Variants in CDAN1 observed in about 807,000 individuals in gnomAD.
CDAN1 encodes codanin 1.
In CDAN1, 107 loss-of-function variants were observed where a neutral mutation model predicts 139.8. The observed-to-expected ratio is 0.77, with a 90% confidence interval of 0.65 to 0.90. The LOEUF is 0.90. CDAN1 is among the 40% of genes least tolerant of loss of function. CDAN1 has a pLI of 0.00. For synonymous variants in CDAN1, 776 were observed against 660.6 expected, an observed-to-expected ratio of 1.17 and a Z score of -2.68; for missense variants, 1,667 against 1,575.7, an observed-to-expected ratio of 1.06 and a Z score of -0.98.
At chr15:42,729,530 G>A (rs2061580651) in intron 17 of CDAN1, 38 bp downstream of exon 17, 2 of 1,613,598 alleles carry the variant, frequency 1.2e-6, no homozygotes, top group South Asian at 1.1e-5. Flanking sequence ...CTCATGGAGG[G>A]ACAGACCAAG....
Position 42,728,669 on chromosome 15 carries a change from T to A in CDAN1, c.2787A>T (p.Ala929=). Residue 929 remains alanine (A), a synonymous_variant, in exon 20 of 28, where the codon GCA becomes GCT. Coordinates refer to ENST00000356231, the MANE Select transcript of CDAN1 (RefSeq NM_138477.4). ...CTGCTTACTCCCGCCCCAGGGCCAA[T>A]GCCTGGGCCCCGTGAGGGCACAGCT... ...CSQLCPHGAQ[A]LALGREFCQR... The A allele has an allele frequency of 6.2e-7, 1 of 1,614,122 alleles. No individual in the cohort carries two copies. The highest frequency in any genetic ancestry group is 8.5e-7 in the Non-Finnish European group (1 of 1,180,036).
Position 42,729,795 on chromosome 15 carries a change from C to G in CDAN1, c.2352+1G>C. ...GGCTCTGGCGGAACCCCAGCACTCA[C>G]CAAGCCATGCTCTGGGGCTACTGTG... On this transcript the variant is annotated splice_donor_variant, in intron 16 of 27. Coordinates refer to ENST00000356231, the MANE Select transcript of CDAN1 (RefSeq NM_138477.4). LOFTEE classifies it high-confidence loss of function. 1.2e-6 allele frequency: 2 copies of G among 1,613,164 alleles called. No individual in the cohort carries two copies. Among genetic ancestry groups the G allele is most frequent in the South Asian group, 1.1e-5 (1 of 90,956 alleles).
intron 23 of CDAN1, 47 bp downstream of exon 23, chr15:42,727,573 CA>C: frequency 1.4e-6 from 2 of 1,477,350 alleles, no homozygotes; most frequent in South Asian, 2.7e-5. Context: ...AGGAACAGAG[CA>C]GGGGGGTGGG....
In CDAN1 at chr15:42,731,237, C is replaced by T; in HGVS notation, c.1834G>A (p.Asp612Asn). The T allele has an allele frequency of 6.2e-7, 1 of 1,614,214 alleles. No homozygotes were observed. The highest frequency in any genetic ancestry group is 8.5e-7 in the Non-Finnish European group (1 of 1,180,048). ...TGCCAGTCTACGTCTGACTCCCCGT[C>T]TTCATCATTGGGCTCATGCTGGGGC... is the stretch of plus-strand genomic sequence containing the variant. ...ALPQHEPNDE[D>N]GESDVDWQGE... The change falls in exon 12 of 28, where the codon GAC becomes AAC. Residue 612 changes from aspartate (D) to asparagine (N), a missense_variant. Asp to Asn is a conservative substitution (Grantham distance 23, BLOSUM62 1). This residue lies in a region of CDAN1 where 936 missense variants were observed against 844.1 expected (regional missense o/e 1.11). Transcript: ENST00000356231.
At chr15:42,732,873 A>G (rs1595860047) in intron 9 of CDAN1, among the ~76,000 whole-genome samples, 2 of 152,328 alleles carry the variant, frequency 1.3e-5, no homozygotes, top group East Asian at 1.9e-4. Flanking sequence ...AATTGCCACT[A>G]CAGAACAAGG....
intron 15 of CDAN1, 97 bp from the exon 16 acceptor site, chr15:42,729,982 GCAGCCA>G: frequency 1.1e-6 from 1 of 922,810 alleles, no homozygotes; most frequent in Non-Finnish European, 1.5e-6. Flanking sequence ...CAGCTTCAAA[GCAGCCA>G]CCTCTGAGAT....
intron 21 of CDAN1, 66 bp from the exon 22 acceptor site, chr15:42,728,099 C>G (rs556046335): frequency 8.2e-6 from 13 of 1,587,212 alleles, no homozygotes; most frequent in African/African-American, 6.7e-5. Flanking sequence ...ATGCCAGAGT[C>G]GAGCACTGAC....
Position 42,736,424 on chromosome 15 carries a change from C to G in CDAN1, c.447G>C (p.Gly149=). ...TGCCAGAGCCCCTAAGCCTCCGGCC[C>G]CCGGCTCCGGGCAGGCTCTCCCCGC... is the stretch of plus-strand genomic sequence containing the variant. The part of the protein sequence containing the change: ...GVSGESLPGA[G]GRRLRGSGSP... The change falls in exon 2 of 28, where the codon GGG becomes GGC. Residue 149 remains glycine (G), a synonymous_variant. Transcript: ENST00000356231. The G allele has an allele frequency of 6.2e-7, 1 of 1,604,164 alleles. No individual in the cohort carries two copies. The highest frequency in any genetic ancestry group is 8.5e-7 in the Non-Finnish European group (1 of 1,175,616).
intron 15 of CDAN1, 37 bp from the exon 16 acceptor site, chr15:42,729,922 A>ACGGGCCCCCCCCCCCCCCCCCC: frequency 6.6e-7 from 1 of 1,513,184 alleles, no homozygotes; most frequent in Non-Finnish European, 9.1e-7. Context: ...AACTTCAGAG[A>ACGGGCCCCCCCCCCCCCCCCCC]CCCCCACCCA....
chr15:42,725,700 A>G, intron 25 of CDAN1, 30 bp from the exon 26 acceptor site: 1 of 1,612,196 alleles, frequency 6.2e-7, no homozygotes, highest in African/African-American at 1.3e-5. Flanking sequence ...AAGCTTTAAA[A>G]GATGGGGGCA....
At chr15:42,730,301 A>G in intron 14 of CDAN1, 86 bp from the exon 15 acceptor site, 1 of 1,281,744 alleles carries the variant, frequency 7.8e-7, no homozygotes, top group Admixed American at 1.7e-5. Flanking sequence ...CTGGCTTGCA[A>G]AAGCAGAACT....
chr15:42,729,271 G>C lies in CDAN1; in HGVS notation c.2499C>G (p.Thr833=), dbSNP rs1334489315. ...FMRKITPTTT[T]SLGAQPSQTS... ...TCTGGGAAGGCTGGGCTCCCAGGCT[G>C]GTGGTAGTGGTGGGGGTGATTTTCC... The change falls in exon 18 of 28, where the codon ACC becomes ACG. Residue 833 remains threonine (T), a synonymous_variant. Transcript: ENST00000356231. The C allele has an allele frequency of 3.7e-6, 6 of 1,613,724 alleles. No homozygotes were observed. The highest frequency in any genetic ancestry group is 5.1e-6 in the Non-Finnish European group (6 of 1,179,914).
At chr15:42,732,136 C>T (rs369284722) in intron 10 of CDAN1, among the ~76,000 whole-genome samples, 197 bp downstream of exon 10, 4 of 152,320 alleles carry the variant, frequency 2.6e-5, no homozygotes, top group South Asian at 2.1e-4. Context: ...CTGCAGGGCC[C>T]GGGATGTGTC....
rs1432677956 is a variant in CDAN1 at position 42,737,047 on chromosome 15, A to G, written c.56T>C (p.Val19Ala). Residue 19 changes from valine to alanine, a missense_variant, in exon 1 of 28, where the codon GTG becomes GCG. Coordinates refer to ENST00000356231, the MANE Select transcript of CDAN1 (RefSeq NM_138477.4). ...CTGGGTGCTGCGCGCGATCCACCGC[A>G]CGACGGCTGCGACCGACACCTCTTC... Reference protein sequence around the residue: ...LREEVSVAAVVRWIARSTQGS... With the variant: ...LREEVSVAAVARWIARSTQGS... 2 of 1,544,036 alleles carry G rather than the reference A, an allele frequency of 1.3e-6. No homozygotes were observed. The highest frequency in any genetic ancestry group is 1.7e-6 in the Non-Finnish European group (2 of 1,143,622).
chr15:42,724,667 TG>T, intron 27 of CDAN1, 51 bp from the exon 28 acceptor site: 6 of 1,546,326 alleles, frequency 3.9e-6, no homozygotes, highest in Non-Finnish European at 5.2e-6. Context: ...TAATTCTCAA[TG>T]GCTCATCCTT....
Position 42,731,622 on chromosome 15 carries a change from G to C in CDAN1, c.1737C>G (p.Ser579Arg), listed in dbSNP as rs749097394. 6.2e-7 allele frequency: 1 copy of C among 1,613,952 alleles called. No homozygotes were observed. The highest frequency in any genetic ancestry group is 1.7e-5 in the Admixed American group (1 of 60,032). The change falls in exon 11 of 28, where the codon AGC becomes AGG. Residue 579 changes from serine (S) to arginine (R), a missense_variant and splice_region_variant. By Grantham distance (110) the Ser-to-Arg change is moderately radical (BLOSUM62 -1). Coordinates refer to ENST00000356231, the MANE Select transcript of CDAN1 (RefSeq NM_138477.4). ...TTGCAAGACACAGGGGAGCCTACCT[G>C]CTGGCACTAAGGATGAAGTCCCTAA... Reference protein sequence around the residue: ...GFFRDFILSASSFQFNQHLMD... With the variant: ...GFFRDFILSARSFQFNQHLMD...
At chr15:42,730,833 C>A in intron 13 of CDAN1, 69 bp from the exon 14 acceptor site, 1 of 1,613,322 alleles carries the variant, frequency 6.2e-7, no homozygotes, top group Non-Finnish European at 8.5e-7. Context: ...TTTAACCTGC[C>A]TGGTTTCCAG....
Position 42,725,236 on chromosome 15 carries a change from A to G in CDAN1, c.3466T>C (p.Phe1156Leu). The change falls in exon 27 of 28, where the codon TTC (phenylalanine) becomes CTC (leucine). Residue 1156 changes from phenylalanine to leucine, a missense_variant. Around this residue, in one of 3 missense-constraint regions of CDAN1, gnomAD observed 936 missense variants for 844.1 expected, o/e 1.11. Coordinates refer to ENST00000356231, the MANE Select transcript of CDAN1 (RefSeq NM_138477.4). Reference protein sequence around the residue: ...TRPREWDLLLFLLRELVEKGL... With the variant: ...TRPREWDLLLLLLRELVEKGL... ...TTCTCCACCAGCTCCCGTAGCAAGA[A>G]TAGCAGCAAGTCCCACTGCAAAACA... The G allele has an allele frequency of 6.2e-7, 1 of 1,614,186 alleles. No individual in the cohort carries two copies. Among genetic ancestry groups the G allele is most frequent in the Non-Finnish European group, 8.5e-7 (1 of 1,179,992 alleles).
intron 27 of CDAN1, 140 bp from the exon 28 acceptor site, chr15:42,724,756 T>G: frequency 9.1e-7 from 1 of 1,094,226 alleles, no homozygotes; most frequent in South Asian, 1.4e-5. Context: ...ACATGAAACC[T>G]TGTCTGTTTG....
Sources: gnomAD v4.1 joint callset for allele counts (sites outside exome capture counted in the v4.1 genomes callset) on GRCh38, gnomAD v4.1.1 for gene constraint, gnomAD v4.1.1 regional missense constraint, MANE v1.5 for transcripts, NCBI Gene and HGNC (gene_info 2026-07-23, HGNC 2026-07-21) for gene names.